The following USH2A variants were observed in gnomAD, a reference collection of about 807,000 sequenced individuals.
The protein encoded by USH2A is usherin.
Under a neutral mutation model 538.9 loss-of-function variants are expected in USH2A, and 443 were observed. The observed-to-expected ratio is 0.82, with a 90% CI of 0.76 to 0.89. The LOEUF is 0.89. USH2A is among the 40% of genes least tolerant of loss of function. The pLI is 0.00. For missense variants in USH2A, 6,633 were observed against 6,324.8 expected (o/e 1.05, Z -1.65); for synonymous variants, 2,413 against 2,273.5 (o/e 1.06, Z -1.75).
intron 29 of USH2A, among the ~76,000 whole-genome samples, chr1:216,071,411 T>C (rs1202122790): frequency 6.6e-6 from 1 of 152,096 alleles, no homozygotes; most frequent in East Asian, 1.9e-4. Flanking sequence ...GTGACGCTGA[T>C]TTTATTAGTT....
intron 21 of USH2A, among the ~76,000 whole-genome samples, chr1:216,101,781 T>C (rs2032585420): frequency 6.6e-6 from 1 of 152,232 alleles, no homozygotes; most frequent in South Asian, 2.1e-4. Flanking sequence ...GAGCATTTCA[T>C]GCATCTCTAT....
intron 48 of USH2A, 113 bp downstream of exon 48, chr1:215,816,884 A>T (rs1280222682): frequency 1.7e-6 from 2 of 1,180,472 alleles, no homozygotes; most frequent in African/African-American, 3.0e-5. Flanking sequence ...AGTCTTCTTC[A>T]TAGAGTAGTG....
At chr1:215,869,266 C>T (rs1173976768) in intron 43 of USH2A, among the ~76,000 whole-genome samples, 2 of 152,164 alleles carry the variant, frequency 1.3e-5, no homozygotes, top group African/African-American at 2.4e-5. Flanking sequence ...ATTTCAGAGC[C>T]TGCTCTTTTA....
Position 216,321,878 on chromosome 1 carries a change from C to T in USH2A, c.1644+5G>A. The stretch of plus-strand genomic sequence containing the variant: ...TTAGATTTCCATGCATAAAATAGAA[C>T]TCACATGAAGTCCTTCAGTGAAGCT... On this transcript the variant is annotated splice_donor_5th_base_variant and intron_variant, in intron 9 of 71. Coordinates refer to ENST00000307340, the MANE Select transcript of USH2A (RefSeq NM_206933.4). The T allele has an allele frequency of 6.2e-7, 1 of 1,612,688 alleles. No homozygotes were observed. The highest frequency in any genetic ancestry group is 8.5e-7 in the Non-Finnish European group (1 of 1,178,832).
chr1:215,629,178 TC>T, intron 70 of USH2A, 143 bp from the exon 71 acceptor site: 1 of 904,180 alleles, frequency 1.1e-6, no homozygotes, highest in Non-Finnish European at 1.8e-6. Context: ...GGAACAACTG[TC>T]ACCTACAGAA....
chr1:216,279,370 T>C (rs576908389), intron 11 of USH2A, among the ~76,000 whole-genome samples: 3 of 152,150 alleles, frequency 2.0e-5, no homozygotes, highest in East Asian at 1.9e-4. Flanking sequence ...ATTCAGAGGA[T>C]GGAGCAAAGT....
intron 27 of USH2A, among the ~76,000 whole-genome samples, chr1:216,073,728 A>G (rs1490600114): frequency 6.6e-6 from 1 of 152,260 alleles, no homozygotes; most frequent in Non-Finnish European, 1.5e-5. Context: ...TTGAATTAGC[A>G]TGATTATTCA....
chr1:215,950,328 AT>A (rs1666881236), intron 37 of USH2A, among the ~76,000 whole-genome samples: 1 of 152,170 alleles, frequency 6.6e-6, no homozygotes, highest in Non-Finnish European at 1.5e-5. Flanking sequence ...AATACTTGTT[AT>A]GAGTTTTTTG....
rs549749334 is a variant in USH2A, at chr1:215,877,630, T to G, written c.8681+128A>C. 10 of 1,428,334 alleles carry G rather than the reference T, an allele frequency of 7.0e-6. No homozygotes were observed. In the East Asian group the frequency reaches 2.1e-4, roughly 30 times the overall value. 88.5% of individuals were successfully genotyped at this position (1,428,334 alleles called of 1,614,324 possible). On this transcript the variant is annotated intron_variant, in intron 43 of 71. Coordinates refer to ENST00000307340, the MANE Select transcript of USH2A (RefSeq NM_206933.4). ...GCTGGGTGATTAATGCCACAGATAA[T>G]AACCAAACATGTTTTATTGCATAAC...
chr1:215,791,415 A>C (rs1661977605), intron 50 of USH2A, among the ~76,000 whole-genome samples: 1 of 152,202 alleles, frequency 6.6e-6, no homozygotes, highest in Admixed American at 6.5e-5. Flanking sequence ...CACTCAAATA[A>C]AAGATCAAAA....
intron 22 of USH2A, among the ~76,000 whole-genome samples, chr1:216,091,744 T>C (rs958233771): frequency 5.3e-5 from 8 of 152,222 alleles, no homozygotes; most frequent in Non-Finnish European, 1.2e-4. Flanking sequence ...CTTCAAGTTA[T>C]TTTATAAATA....
chr1:215,903,456 A>G (rs567077038), intron 38 of USH2A, among the ~76,000 whole-genome samples: 10 of 152,138 alleles, frequency 6.6e-5, no homozygotes, highest in Admixed American at 1.3e-4. Context: ...ATGTTGCAGC[A>G]TATAGGCATG....
intron 32 of USH2A, among the ~76,000 whole-genome samples, chr1:216,001,905 CTT>C (rs1360844248): frequency 6.6e-6 from 1 of 152,170 alleles, no homozygotes; most frequent in East Asian, 1.9e-4. Flanking sequence ...AGAAGAGACT[CTT>C]AATGCTTTTG....
chr1:215,781,480 A>G (rs1034588535), intron 54 of USH2A, among the ~76,000 whole-genome samples: 2 of 152,134 alleles, frequency 1.3e-5, no homozygotes, highest in Admixed American at 6.6e-5. Context: ...TGTAAATATA[A>G]TTGAGTACCA....
At chr1:216,257,744 C>T (rs774218854) in intron 11 of USH2A, among the ~76,000 whole-genome samples, 14 of 152,084 alleles carry the variant, frequency 9.2e-5, no homozygotes, top group African/African-American at 3.1e-4. Flanking sequence ...TACAAATGCT[C>T]TTTCAACTCT....
At chr1:216,356,546 T>A (rs2038395115) in intron 4 of USH2A, among the ~76,000 whole-genome samples, 1 of 152,070 alleles carries the variant, frequency 6.6e-6, no homozygotes, top group South Asian at 2.1e-4. Flanking sequence ...TGTATGTTTA[T>A]AACATATACA....
intron 15 of USH2A, among the ~76,000 whole-genome samples, chr1:216,209,509 C>T (rs1411597065): frequency 6.6e-6 from 1 of 152,190 alleles, no homozygotes; most frequent in Non-Finnish European, 1.5e-5. Context: ...AGAGCTATTG[C>T]TAATTCACCA....
chr1:215,758,316 A>G (rs1342232318), intron 58 of USH2A, among the ~76,000 whole-genome samples: 1 of 151,822 alleles, frequency 6.6e-6, no homozygotes, highest in African/African-American at 2.4e-5. Context: ...ATGAGTAAAA[A>G]GATTTTTAGT....
intron 61 of USH2A, among the ~76,000 whole-genome samples, chr1:215,688,980 A>G (rs2820698): frequency 0.38 from 57,283 of 151,706 alleles, 11,026 homozygotes; most frequent in South Asian, 0.54. Flanking sequence ...TTAAGGGGAT[A>G]GATTTATATT....
Sources: gnomAD v4.1 joint callset for allele counts (sites outside exome capture counted in the v4.1 genomes callset) on GRCh38, gnomAD v4.1.1 for gene constraint, MANE v1.5 for transcripts, NCBI Gene and HGNC (gene_info 2026-07-23, HGNC 2026-07-21) for gene names.